Variants in BCAR3 observed in about 807,000 individuals in gnomAD.
The protein encoded by BCAR3 is BCAR3 adaptor protein, NSP family member, also known as breast cancer anti-estrogen resistance protein 3.
BCAR3 carries 37 observed loss-of-function variants against 80.1 expected under a neutral mutation model. That is an observed-to-expected ratio of 0.46 (90% confidence interval 0.36 to 0.61). The LOEUF is 0.61. Ranked by LOEUF, BCAR3 falls within the 20% of genes least tolerant of loss-of-function variation. The pLI is 0.00. For missense variants in BCAR3, 978 were observed against 1,068.2 expected, an observed-to-expected ratio of 0.92 and a Z score of 1.18; for synonymous variants, 389 against 418.9, an observed-to-expected ratio of 0.93 and a Z score of 0.87.
intron 2 of BCAR3, among the ~76,000 whole-genome samples, chr1:93,658,955 C>T (rs1647522748): frequency 6.6e-6 from 1 of 152,168 alleles, no homozygotes; most frequent in Non-Finnish European, 1.5e-5. Flanking sequence ...ATTTAACCAA[C>T]CCATGCACCA....
chr1:93,742,408 C>T (rs537416344), intron 2 of BCAR3, among the ~76,000 whole-genome samples: 10 of 152,278 alleles, frequency 6.6e-5, no homozygotes, highest in African/African-American at 2.2e-4. Context: ...TTATTGACTC[C>T]TGAGTTGACT....
intron 3 of BCAR3, among the ~76,000 whole-genome samples, chr1:93,691,166 C>T (rs948614309): frequency 6.6e-6 from 1 of 152,216 alleles, no homozygotes; most frequent in African/African-American, 2.4e-5. Flanking sequence ...TCTAATTCCA[C>T]ATCCCATCCT....
chr1:93,769,565 G>GA (rs942614016), intron 2 of BCAR3, among the ~76,000 whole-genome samples: 19 of 148,278 alleles, frequency 1.3e-4, no homozygotes, highest in South Asian at 2.2e-4. Flanking sequence ...GCCACTAGGA[G>GA]AAAAAAAAAA....
rs1649872996 is a variant in BCAR3 at position 93,707,721 on chromosome 1, T to TA, written c.-62-1580dup. On this transcript the variant is annotated intron_variant, in intron 2 of 13. Coordinates refer to the BCAR3 transcript ENST00000370244. ...GACTCAGTCTCAATAAATAAATAAATAATAATAATAGCTCTGACGGTCCCC... is the reference window on the plus strand; with the variant it reads ...GACTCAGTCTCAATAAATAAATAAATAAATAATAATAGCTCTGACGGTCCCC... 2.6e-5 allele frequency among the ~76,000 whole-genome samples: 4 copies of TA among 152,126 alleles called. No homozygotes were observed. The South Asian group carries it at 8.3e-4, about 32-fold the overall frequency.
At chr1:93,624,045 A>G (rs1198333227) in intron 3 of BCAR3, among the ~76,000 whole-genome samples, 1 of 152,192 alleles carries the variant, frequency 6.6e-6, no homozygotes, top group African/African-American at 2.4e-5. Context: ...ATTTGCCTCT[A>G]GGAAGAGGGA....
chr1:93,654,955 G>T (rs1468502267), intron 2 of BCAR3, among the ~76,000 whole-genome samples: 1 of 152,184 alleles, frequency 6.6e-6, no homozygotes, highest in Admixed American at 6.5e-5. Context: ...CTTTCCCCTG[G>T]AATACAACCC....
At chr1:93,735,056 A>G (rs1233158008) in intron 2 of BCAR3, among the ~76,000 whole-genome samples, 1 of 152,160 alleles carries the variant, frequency 6.6e-6, no homozygotes, top group South Asian at 2.1e-4. Context: ...GATGGTGCCT[A>G]TCTTGCTCAC....
intron 3 of BCAR3, among the ~76,000 whole-genome samples, chr1:93,687,870 A>G (rs767430604): frequency 9.9e-5 from 15 of 152,250 alleles, no homozygotes; most frequent in South Asian, 4.1e-4. Flanking sequence ...AAGCCCTAAC[A>G]GTAACAGGTA....
chr1:93,613,465 C>A (rs1003515423), intron 3 of BCAR3, among the ~76,000 whole-genome samples: 1 of 151,988 alleles, frequency 6.6e-6, no homozygotes, highest in Non-Finnish European at 1.5e-5. Flanking sequence ...AAGTAATGGA[C>A]CAGCAGGATA....
At chr1:93,818,969 A>G (rs1367532376) in intron 2 of BCAR3, among the ~76,000 whole-genome samples, 2 of 152,184 alleles carry the variant, frequency 1.3e-5, no homozygotes, top group Admixed American at 6.5e-5. Context: ...TGTATATATG[A>G]TATTTTTGTA....
At chr1:93,665,750 C>T (rs922078385) in intron 2 of BCAR3, among the ~76,000 whole-genome samples, 1 of 152,122 alleles carries the variant, frequency 6.6e-6, no homozygotes, top group Non-Finnish European at 1.5e-5. Flanking sequence ...CTTAGCAAAC[C>T]CCAAACAGAA....
chr1:93,828,138 C>T (rs1350794139), intron 2 of BCAR3, among the ~76,000 whole-genome samples: 1 of 151,518 alleles, frequency 6.6e-6, no homozygotes, highest in Non-Finnish European at 1.5e-5. Context: ...TCTCTACAAA[C>T]AATAAAAAAA....
chr1:93,827,487 C>G (rs1377451814), intron 2 of BCAR3, among the ~76,000 whole-genome samples: 1 of 152,044 alleles, frequency 6.6e-6, no homozygotes, highest in African/African-American at 2.4e-5. Flanking sequence ...TCAGCTACTT[C>G]CTGCAGTCTT....
At chr1:93,696,991 C>T (rs1321490772) in intron 3 of BCAR3, among the ~76,000 whole-genome samples, 1 of 152,200 alleles carries the variant, frequency 6.6e-6, no homozygotes, top group African/African-American at 2.4e-5. Context: ...TGACTGGGAG[C>T]TGGCGTCTCC....
intron 8 of BCAR3, among the ~76,000 whole-genome samples, chr1:93,574,570 C>G (rs1673370229): frequency 6.6e-6 from 1 of 152,182 alleles, no homozygotes; most frequent in African/African-American, 2.4e-5. Context: ...TCACCCTCAG[C>G]CTGTCCCAGC....
intron 2 of BCAR3, among the ~76,000 whole-genome samples, chr1:93,645,750 TATAA>T (rs1339835576): frequency 2.7e-5 from 4 of 149,964 alleles, no homozygotes; most frequent in Non-Finnish European, 4.4e-5. Context: ...ATACATGATA[TATAA>T]ATATATAATT....
At chr1:93,585,300 G>A in intron 5 of BCAR3, 1 of 715,042 alleles carries the variant, frequency 1.4e-6, no homozygotes, top group Non-Finnish European at 1.7e-6. Flanking sequence ...CAGGGCAGCA[G>A]GCCATGAGCC....
chr1:93,588,824 T>A (rs890511394), intron 5 of BCAR3, among the ~76,000 whole-genome samples, 153 bp downstream of exon 5: 1 of 152,220 alleles, frequency 6.6e-6, no homozygotes. Context: ...TGGGAGCTAA[T>A]TGTTCACTGC....
chr1:93,585,928 T>G (rs1005950180), intron 5 of BCAR3, among the ~76,000 whole-genome samples: 5 of 152,142 alleles, frequency 3.3e-5, no homozygotes, highest in Non-Finnish European at 7.3e-5. Context: ...AAAAATTTTG[T>G]GCATACATAG....
Sources: allele counts gnomAD v4.1 joint callset (sites outside exome capture counted in the v4.1 genomes callset), GRCh38; gene constraint gnomAD v4.1.1; transcripts MANE v1.5; gene names NCBI Gene and HGNC (gene_info 2026-07-23, HGNC 2026-07-21).